TTC7A: variants seen among roughly 807,000 people sequenced by gnomAD.
The protein encoded by TTC7A is tetratricopeptide repeat domain 7A, also known as tetratricopeptide repeat protein 7A.
In TTC7A, 110 loss-of-function variants were observed where a neutral mutation model predicts 103.7. The observed-to-expected ratio is 1.06, with a 90% CI of 0.91 to 1.24. The LOEUF (loss-of-function observed/expected upper bound fraction) is 1.24. TTC7A is among the 50% of genes most tolerant of loss of function. TTC7A has a pLI of 0.00. For synonymous variants in TTC7A, 521 were observed against 467.9 expected, an observed-to-expected ratio of 1.11 and a Z score of -1.47; for missense variants, 1,340 against 1,116.3, an observed-to-expected ratio of 1.20 and a Z score of -2.86.
intron 3 of TTC7A, among the ~76,000 whole-genome samples, chr2:46,964,974 T>C (rs1672712870): frequency 6.6e-6 from 1 of 152,152 alleles, no homozygotes; most frequent in Middle Eastern, 3.2e-3. Flanking sequence ...CGCGTTCTCC[T>C]TCACCTCACA....
chr2:46,969,894 C>A (rs1374823048), intron 3 of TTC7A, among the ~76,000 whole-genome samples: 1 of 152,178 alleles, frequency 6.6e-6, no homozygotes, highest in Non-Finnish European at 1.5e-5. Flanking sequence ...AGGAAAAAGG[C>A]ACATACTTAG....
intron 5 of TTC7A, among the ~76,000 whole-genome samples, chr2:46,991,540 G>C (rs1272589424): frequency 2.0e-5 from 3 of 152,164 alleles, no homozygotes; most frequent in Admixed American, 2.0e-4. Flanking sequence ...GTGGTTTTAA[G>C]TGATGTGCAC....
At chr2:47,004,676 G>A (rs1488644132) in intron 8 of TTC7A, among the ~76,000 whole-genome samples, 2 of 152,030 alleles carry the variant, frequency 1.3e-5, no homozygotes, top group Non-Finnish European at 1.5e-5. Context: ...ATGAGCAGGA[G>A]AAGGGAGGAT....
At chr2:47,016,660 C>A (rs1302374609) in intron 11 of TTC7A, among the ~76,000 whole-genome samples, 3 of 152,216 alleles carry the variant, frequency 2.0e-5, no homozygotes, top group African/African-American at 7.2e-5. Flanking sequence ...GCAAGGAAAG[C>A]CCGGTGCTGT....
intron 2 of TTC7A, chr2:46,951,475 G>A: frequency 9.2e-6 from 4 of 433,946 alleles, no homozygotes; most frequent in Non-Finnish European, 1.8e-5. Flanking sequence ...CTCAAAAGAG[G>A]AGGGGGAGGG....
chr2:47,046,337 C>G lies in TTC7A; in HGVS notation c.1825C>G (p.Leu609Val). The G allele has an allele frequency of 6.2e-7, 1 of 1,614,094 alleles. No individual in the cohort carries two copies. Among genetic ancestry groups the G allele is most frequent in the Admixed American group, 1.7e-5 (1 of 60,030 alleles). Residue 609 changes from leucine to valine, a missense_variant, in exon 16 of 20, where the codon CTG becomes GTG. Physicochemically the swap from Leu to Val is conservative, Grantham distance 32 (BLOSUM62 1). Coordinates refer to ENST00000319190, the MANE Select transcript of TTC7A (RefSeq NM_020458.4). ...CAGCCTGATGTTCACCAAGGTGAAGCTGGAGCAGGTGCTGAAAGGCCCAGA... is the reference window on the plus strand; with the variant it reads ...CAGCCTGATGTTCACCAAGGTGAAGGTGGAGCAGGTGCTGAAAGGCCCAGA... ...NFNLMFTKVK[L>V]EQVLKGPEEA...
intron 3 of TTC7A, among the ~76,000 whole-genome samples, chr2:46,962,530 T>A (rs992378701): frequency 4.1e-4 from 62 of 152,312 alleles, no homozygotes; most frequent in African/African-American, 1.4e-3. Context: ...GGTCACTTCC[T>A]TTGAGGGAGT....
chr2:46,955,000 C>T (rs749229738), intron 2 of TTC7A, among the ~76,000 whole-genome samples: 2 of 152,164 alleles, frequency 1.3e-5, no homozygotes, highest in Non-Finnish European at 2.9e-5. Context: ...CTAGCCACAC[C>T]CCATCAGCAT....
At chr2:47,029,620 C>T (rs1051833828) in intron 15 of TTC7A, among the ~76,000 whole-genome samples, 1 of 152,194 alleles carries the variant, frequency 6.6e-6, no homozygotes, top group African/African-American at 2.4e-5. Context: ...GCTCCTCAGC[C>T]CCCATGAGGT....
intron 19 of TTC7A, 141 bp from the exon 20 acceptor site, chr2:47,073,561 T>G: frequency 1.4e-6 from 1 of 716,456 alleles, no homozygotes; most frequent in Non-Finnish European, 2.4e-6. Flanking sequence ...GCACAGTCAC[T>G]TAACAGTGCC....
chr2:46,969,936 A>T (rs1250979970), intron 3 of TTC7A, among the ~76,000 whole-genome samples: 1 of 152,218 alleles, frequency 6.6e-6, no homozygotes, highest in Non-Finnish European at 1.5e-5. Context: ...ACTGGTTTAG[A>T]CACAGGGAGG....
At chr2:46,974,948 C>T in intron 3 of TTC7A, 25 bp from the exon 4 acceptor site, 1 of 1,611,132 alleles carries the variant, frequency 6.2e-7, no homozygotes, top group Non-Finnish European at 8.5e-7. Context: ...CAGGACAGGT[C>T]TGAGGCACCC....
chr2:46,994,163 A>G, intron 6 of TTC7A, 194 bp from the exon 7 acceptor site: 1 of 617,892 alleles, frequency 1.6e-6, no homozygotes, highest in South Asian at 2.1e-5. Context: ...AGGCCAGCAG[A>G]GGGGTGGGAG....
At chr2:46,916,278 G>C in exon 1 of TTC7A, 1 of 665,502 alleles carries the variant, frequency 1.5e-6, no homozygotes, top group South Asian at 6.7e-5. Context: ...AGCCGGCCTT[G>C]GACCCTACGT....
rs762143257 is a variant in TTC7A, at chr2:46,974,953, G to A, written c.518-20G>A. ...GGGGCCCGAGCAGGACAGGTCTGAG[G>A]CACCCTCTTCCTCCCGCAGGCCTCT... On this transcript the variant is annotated intron_variant, in intron 3 of 19. Coordinates refer to ENST00000319190, the MANE Select transcript of TTC7A (RefSeq NM_020458.4). 6.2e-6 allele frequency: 10 copies of A among 1,611,450 alleles called. No homozygotes were observed. In the East Asian group the frequency reaches 8.9e-5, roughly 14 times the overall value.
In TTC7A at chr2:46,993,514, C is replaced by G. The variant is rs587777547; in HGVS notation, c.829C>G (p.Gln277Glu). The change falls in exon 6 of 20, where the codon CAG becomes GAG. Residue 277 changes from glutamine to glutamate, a missense_variant. Gln to Glu is a conservative substitution (Grantham distance 29, BLOSUM62 2). Transcript: ENST00000319190. ...GCGGACTGTGGAGACCAAAGCAACTCAGAACTTCAAAGTGGTAATGTGGGG... is the reference window on the plus strand; with the variant it reads ...GCGGACTGTGGAGACCAAAGCAACTGAGAACTTCAAAGTGGTAATGTGGGG... ...VLRTVETKATQNFKVMAAKHL... is the reference protein window; with the variant it reads ...VLRTVETKATENFKVMAAKHL... 1.2e-6 allele frequency: 2 copies of G among 1,614,070 alleles called. No individual in the cohort carries two copies. Among genetic ancestry groups the G allele is most frequent in the Non-Finnish European group, 1.7e-6 (2 of 1,179,990 alleles).
At chr2:46,997,337 A>G (rs950272028) in intron 8 of TTC7A, among the ~76,000 whole-genome samples, 33 of 152,254 alleles carry the variant, frequency 2.2e-4, no homozygotes, top group Admixed American at 1.7e-3. Flanking sequence ...ATTTACAGGT[A>G]GGTGGTGAAA....
intron 5 of TTC7A, among the ~76,000 whole-genome samples, chr2:46,985,857 T>A (rs1027682799): frequency 6.6e-6 from 1 of 152,226 alleles, no homozygotes; most frequent in East Asian, 1.9e-4. Flanking sequence ...AAAAATAATA[T>A]AAAGATACCT....
At chr2:47,036,937 G>A (rs76195731) in intron 15 of TTC7A, among the ~76,000 whole-genome samples, 4,739 of 152,262 alleles carry the variant, frequency 0.031, 142 homozygotes, top group Admixed American at 0.075. Context: ...CATATCCCCC[G>A]CATCCTGGCC....
Sources: allele counts gnomAD v4.1 joint callset (sites outside exome capture counted in the v4.1 genomes callset), GRCh38; gene constraint gnomAD v4.1.1; transcripts MANE v1.5; gene names NCBI Gene and HGNC (gene_info 2026-07-23, HGNC 2026-07-21).